GRID1: variants seen among roughly 807,000 people sequenced by gnomAD.
GRID1 encodes the protein glutamate receptor ionotropic, delta-1.
Under a neutral mutation model 98.0 loss-of-function variants are expected in GRID1, and 28 were observed. That is an observed-to-expected ratio of 0.29 (90% CI 0.21 to 0.39). GRID1 has a LOEUF of 0.39. GRID1 is among the 10% of genes least tolerant of loss of function. GRID1 has a pLI of 1.00. For synonymous variants in GRID1, 553 were observed against 538.5 expected (o/e 1.03, Z -0.37); for missense variants, 1,111 against 1,340.5 (o/e 0.83, Z 2.67).
In GRID1 at chr10:85,686,733, A is replaced by C. The variant is rs546095228; in HGVS notation, c.1997+36270T>G. Among the ~76,000 whole-genome samples, 5 of 152,124 alleles carry C rather than the reference A, an allele frequency of 3.3e-5. No individual in the cohort carries two copies. In the South Asian group the frequency reaches 1.0e-3, roughly 32 times the overall value. ...GATAAAATATTTAAAATAATCCTAT[A>C]TTTTATTTACAGATGCATATTATAT... On this transcript the variant is annotated intron_variant, in intron 12 of 15. Coordinates refer to ENST00000327946, the MANE Select transcript of GRID1 (RefSeq NM_017551.3).
intron 4 of GRID1, among the ~76,000 whole-genome samples, chr10:86,128,839 A>T (rs1844793558): frequency 6.6e-6 from 1 of 152,232 alleles, no homozygotes; most frequent in South Asian, 2.1e-4. Flanking sequence ...CACATCAGTC[A>T]CTGGGCATGT....
At chr10:86,217,187 T>G (rs1281086988) in intron 2 of GRID1, among the ~76,000 whole-genome samples, 1 of 152,086 alleles carries the variant, frequency 6.6e-6, no homozygotes, top group African/African-American at 2.4e-5. Flanking sequence ...GAGCCTGGGT[T>G]CAAACCCTGA....
rs925582266 is a variant in GRID1, at chr10:85,723,026, C to T, written c.1974G>A (p.Val658=). The stretch of plus-strand genomic sequence containing the variant: ...ACCTTATGGGGTTGTCCATCCTGGA[C>T]ACTGTGAGGAAGGCAGCAAGGTTGG... ...YTANLAAFLT[V]SRMDNPIRTF... Residue 658 remains valine, a synonymous_variant, in exon 12 of 16, where the codon GTG becomes GTA. Coordinates refer to ENST00000327946, the MANE Select transcript of GRID1 (RefSeq NM_017551.3). 1 of 1,612,064 alleles carries T rather than the reference C, an allele frequency of 6.2e-7. No individual in the cohort carries two copies. Among genetic ancestry groups the T allele is most frequent in the Non-Finnish European group, 8.5e-7 (1 of 1,179,076 alleles).
chr10:85,710,700 A>G (rs942269300), intron 12 of GRID1, among the ~76,000 whole-genome samples: 1 of 152,104 alleles, frequency 6.6e-6, no homozygotes, highest in African/African-American at 2.4e-5. Context: ...ATATTTGTAA[A>G]TCATATATAT....
At chr10:85,739,171 T>C (rs151218553) in intron 8 of GRID1, among the ~76,000 whole-genome samples, 219 of 152,066 alleles carry the variant, frequency 1.4e-3, no homozygotes, top group African/African-American at 5.0e-3. Flanking sequence ...CACACACACA[T>C]ACAATGATTT....
At chr10:85,720,487 A>G (rs1841687950) in intron 12 of GRID1, among the ~76,000 whole-genome samples, 1 of 152,164 alleles carries the variant, frequency 6.6e-6, no homozygotes, top group African/African-American at 2.4e-5. Context: ...CACATATAAC[A>G]ATGGAACAGA....
At chr10:86,043,864 C>A (rs1843382446) in intron 4 of GRID1, among the ~76,000 whole-genome samples, 1 of 152,114 alleles carries the variant, frequency 6.6e-6, no homozygotes, top group African/African-American at 2.4e-5. Context: ...GGTGAATTAT[C>A]CCCAAGCGAT....
At chr10:86,172,699 T>A (rs1001274194) in intron 3 of GRID1, among the ~76,000 whole-genome samples, 4 of 152,178 alleles carry the variant, frequency 2.6e-5, no homozygotes, top group African/African-American at 9.7e-5. Context: ...TACTTATCCA[T>A]CCATCCTGCC....
intron 13 of GRID1, among the ~76,000 whole-genome samples, chr10:85,629,401 A>C (rs1412412429): frequency 7.9e-5 from 12 of 151,344 alleles, no homozygotes; most frequent in Non-Finnish European, 1.6e-4. Context: ...CACCTTTCCA[A>C]GTCTCTAATG....
chr10:86,122,929 G>A (rs1024792627), intron 4 of GRID1, among the ~76,000 whole-genome samples: 2 of 152,224 alleles, frequency 1.3e-5, no homozygotes, highest in Admixed American at 1.3e-4. Context: ...GTGCAGGCCT[G>A]GGCAGTGCTC....
At chr10:86,064,344 G>A (rs1234307450) in intron 4 of GRID1, among the ~76,000 whole-genome samples, 1 of 152,198 alleles carries the variant, frequency 6.6e-6, no homozygotes, top group Non-Finnish European at 1.5e-5. Flanking sequence ...CAACGTCTGT[G>A]ATGAAAAAAG....
chr10:85,833,028 T>C (rs947594), intron 8 of GRID1, among the ~76,000 whole-genome samples: 10,452 of 152,188 alleles, frequency 0.069, 398 homozygotes, highest in Non-Finnish European at 0.082. Flanking sequence ...CTCTCTGTCA[T>C]TGAGGGTCCA....
intron 3 of GRID1, among the ~76,000 whole-genome samples, chr10:86,157,802 C>G (rs1046894616): frequency 6.6e-6 from 1 of 152,162 alleles, no homozygotes; most frequent in African/African-American, 2.4e-5. Context: ...AAGTTGAAAG[C>G]CAAGAGTCAG....
At chr10:85,602,952 C>T (rs1464301803) in intron 15 of GRID1, among the ~76,000 whole-genome samples, 1 of 152,196 alleles carries the variant, frequency 6.6e-6, no homozygotes, top group East Asian at 1.9e-4. Flanking sequence ...TGCATCCTGC[C>T]TTGCCTCTGT....
rs1286645530 is a variant in GRID1, at chr10:85,647,227, G to A, written c.2168C>T (p.Ser723Phe). 6.2e-7 allele frequency: 1 copy of A among 1,614,210 alleles called. No individual in the cohort carries two copies. Among genetic ancestry groups the A allele is most frequent in the Admixed American group, 1.7e-5 (1 of 60,032 alleles). Residue 723 changes from serine to phenylalanine, a missense_variant, in exon 13 of 16, where the codon TCC (serine) becomes TTC (phenylalanine). Coordinates refer to ENST00000327946, the MANE Select transcript of GRID1 (RefSeq NM_017551.3). ...SKNGGADNCV[S>F]SPSEGIRKAK... ...CTTCCTGATGCCTTCTGAAGGACTG[G>A]ACACGCAGTTGTCAGCCCCTCCGTT...
At chr10:85,782,915 T>C (rs1010660391) in intron 8 of GRID1, among the ~76,000 whole-genome samples, 6 of 152,056 alleles carry the variant, frequency 3.9e-5, no homozygotes, top group African/African-American at 1.4e-4. Flanking sequence ...CACATTGACA[T>C]GGGATCAAAA....
intron 8 of GRID1, among the ~76,000 whole-genome samples, chr10:85,828,875 G>C (rs1409647397): frequency 6.6e-6 from 1 of 152,026 alleles, no homozygotes. Context: ...ATTCCACCAG[G>C]TGTATAAAGA....
chr10:86,331,227 A>G (rs1848136911), intron 2 of GRID1, among the ~76,000 whole-genome samples: 1 of 152,126 alleles, frequency 6.6e-6, no homozygotes, highest in Admixed American at 6.5e-5. Flanking sequence ...CCAGAGTATC[A>G]TGGCCTCTTT....
rs1258767205 is a variant in GRID1, at chr10:86,163,438, G to C, written c.521-24414C>G. On this transcript the variant is annotated intron_variant, in intron 3 of 15. Coordinates refer to ENST00000327946, the MANE Select transcript of GRID1 (RefSeq NM_017551.3). ...TTTTTTTTTTTTCATTATACTTTAA[G>C]TTCTAGGGTCCATGTGCACAATGTG... 2.0e-5 allele frequency among the ~76,000 whole-genome samples: 3 copies of C among 146,864 alleles called. No homozygotes were observed. In the East Asian group the frequency reaches 5.9e-4, roughly 29 times the overall value.
Sources: allele counts gnomAD v4.1 joint callset (sites outside exome capture counted in the v4.1 genomes callset), GRCh38; gene constraint gnomAD v4.1.1; transcripts MANE v1.5; gene names NCBI Gene and HGNC (gene_info 2026-07-23, HGNC 2026-07-21).